Variants in SETD2 observed in about 807,000 individuals in gnomAD.
SETD2 encodes the protein SET domain containing 2, histone lysine methyltransferase.
Under a neutral mutation model 242.1 loss-of-function variants are expected in SETD2, and 31 were observed. The ratio of observed to expected loss-of-function variants is 0.13; its 90% CI spans 0.10 to 0.17. The LOEUF is 0.17. Among genes scored for constraint, SETD2 ranks in the 10% least tolerant of loss-of-function variants. SETD2 has a pLI of 1.00. For missense variants in SETD2, 2,481 were observed against 3,046.3 expected (o/e 0.81, Z 4.37); for synonymous variants, 1,006 against 1,066.5 (o/e 0.94, Z 1.11).
intron 16 of SETD2, among the ~76,000 whole-genome samples, chr3:47,043,595 T>C (rs1016950169): frequency 1.1e-4 from 17 of 152,334 alleles, no homozygotes; most frequent in African/African-American, 4.1e-4. Context: ...TTCAAGCCTA[T>C]TAATGAAGAA....
intron 12 of SETD2, 41 bp from the exon 13 acceptor site, chr3:47,067,159 G>A (rs769481170): frequency 6.9e-6 from 10 of 1,457,086 alleles, no homozygotes; most frequent in South Asian, 1.1e-5. Context: ...TAGTGAGGGT[G>A]GAAATGGTGA....
At chr3:47,076,160 T>C (rs190854832) in intron 12 of SETD2, among the ~76,000 whole-genome samples, 2 of 152,276 alleles carry the variant, frequency 1.3e-5, no homozygotes, top group Admixed American at 1.3e-4. Context: ...CAGGAAAGAC[T>C]TTCCGGGGGG....
Position 47,084,156 on chromosome 3 carries a change from T to C in SETD2, c.5624A>G (p.Lys1875Arg). 1.9e-6 allele frequency: 3 copies of C among 1,614,164 alleles called. No individual in the cohort carries two copies. Among genetic ancestry groups the C allele is most frequent in the Non-Finnish European group, 1.7e-6 (2 of 1,180,020 alleles). ...STEADTDTPK[K>R]LMFRRLKIIS... is the part of the protein sequence containing the mutation. ...AATTTTCAGTCTGCGAAACATTAGTTTCTTGGGAGTGTCTGTGTCAGCTTC... is the reference window on the plus strand; with the variant it reads ...AATTTTCAGTCTGCGAAACATTAGTCTCTTGGGAGTGTCTGTGTCAGCTTC... Residue 1875 changes from lysine (K) to arginine (R), a missense_variant, in exon 12 of 21, where the codon AAA becomes AGA. Lys to Arg is a conservative substitution (Grantham distance 26). Transcript: ENST00000409792.
chr3:47,065,371 CAA>C (rs199748671), intron 13 of SETD2, among the ~76,000 whole-genome samples: 5 of 140,076 alleles, frequency 3.6e-5, no homozygotes, highest in South Asian at 2.3e-4. Context: ...AATAAAAAGA[CAA>C]AAAAAAAAAA....
Position 47,164,093 on chromosome 3 carries a change from G to A in SETD2, c.-169C>T. On this transcript the variant is annotated 5_prime_UTR_variant, in exon 1 of 21. Transcript: ENST00000409792. The surrounding 1 kb of genome is among the most constrained non-coding windows in gnomAD (Gnocchi z 5.4). ...CGCTCGTCGCTCCCTCCCTCCCTCG[G>A]ACGCCCGCCAGCCGCTCTCTCCCTC... The A allele has an allele frequency of 8.8e-7, 1 of 1,138,702 alleles. No homozygotes were observed. Among genetic ancestry groups the A allele is most frequent in the Non-Finnish European group, 1.1e-6 (1 of 910,438 alleles). The allele number at this position is 1,138,702 out of a possible 1,614,324, so 70.5% of individuals were successfully genotyped here. A position where few individuals can be genotyped will look rare whatever the true frequency, so the allele number is the denominator to read the frequency against.
intron 9 of SETD2, among the ~76,000 whole-genome samples, chr3:47,089,374 G>C (rs1241685753): frequency 6.6e-6 from 1 of 152,102 alleles, no homozygotes; most frequent in Non-Finnish European, 1.5e-5. Flanking sequence ...CTGAGCCTGG[G>C]AAATTGAGGC....
At chr3:47,137,703 T>C (rs976558120) in intron 1 of SETD2, among the ~76,000 whole-genome samples, 1 of 152,202 alleles carries the variant, frequency 6.6e-6, no homozygotes, top group African/African-American at 2.4e-5. Context: ...TTTTCTTTTT[T>C]TCTGAGACAG....
rs1046755895 is a variant in SETD2, at chr3:47,136,879, G to A, written c.72-10216C>T. 3.3e-5 allele frequency among the ~76,000 whole-genome samples: 5 copies of A among 152,082 alleles called. No homozygotes were observed. In the South Asian group the frequency reaches 6.2e-4, roughly 19 times the overall value. On this transcript the variant is annotated intron_variant, in intron 1 of 20. Coordinates refer to ENST00000409792, the MANE Select transcript of SETD2 (RefSeq NM_014159.7). ...TGAGGCAGAAGAATCACTTGAACCC[G>A]GGAGGCAGAGGTTGCAGTGTGCCGA...
rs2107639701 is a variant in SETD2 at position 47,084,175 on chromosome 3, C to T, written c.5605G>A (p.Asp1869Asn). ...ATTAGTTTCTTGGGAGTGTCTGTGT[C>T]AGCTTCTGTGCTCAGCTTGGTGGAA... ...DPSTKLSTEA[D>N]TDTPKKLMFR... Residue 1869 changes from aspartate to asparagine, a missense_variant, in exon 12 of 21, where the codon GAC (aspartate) becomes AAC (asparagine). This residue lies in a region of SETD2 where 203 missense variants were observed against 222.4 expected (regional missense o/e 0.91). Transcript: ENST00000409792. The T allele has an allele frequency of 1.2e-6, 2 of 1,614,154 alleles. No homozygotes were observed. Among genetic ancestry groups the T allele is most frequent in the East Asian group, 4.5e-5 (2 of 44,884 alleles).
At chr3:47,077,785 C>T (rs189368787) in intron 12 of SETD2, among the ~76,000 whole-genome samples, 2 of 152,078 alleles carry the variant, frequency 1.3e-5, no homozygotes, top group East Asian at 1.9e-4. Context: ...GAGCCTGGAA[C>T]AGCATATTGT....
chr3:47,148,157 G>A (rs1029469070), intron 1 of SETD2, among the ~76,000 whole-genome samples: 5 of 151,180 alleles, frequency 3.3e-5, no homozygotes, highest in African/African-American at 7.3e-5. Context: ...TTGATAAAGC[G>A]TCTCGTTCTG....
intron 15 of SETD2, among the ~76,000 whole-genome samples, chr3:47,050,624 G>A (rs566128665): frequency 2.7e-5 from 4 of 149,506 alleles, no homozygotes; most frequent in South Asian, 2.2e-4. Context: ...TATATATAAC[G>A]TAAATATTCC....
intron 1 of SETD2, among the ~76,000 whole-genome samples, chr3:47,147,217 T>C (rs952604431): frequency 1.3e-5 from 2 of 151,990 alleles, no homozygotes; most frequent in Non-Finnish European, 2.9e-5. Context: ...TTCACCATGT[T>C]GGCCAGGCTG....
intron 15 of SETD2, among the ~76,000 whole-genome samples, chr3:47,052,841 G>A (rs1364827363): frequency 3.3e-5 from 5 of 151,856 alleles, no homozygotes; most frequent in African/African-American, 4.8e-5. Flanking sequence ...ATTGTTACAC[G>A]AATGCTAGTT....
chr3:47,051,178 C>T (rs1458788653), intron 15 of SETD2, among the ~76,000 whole-genome samples: 2 of 151,970 alleles, frequency 1.3e-5, no homozygotes, highest in Non-Finnish European at 2.9e-5. Flanking sequence ...CATCAAGGCT[C>T]ACAGCAGCCT....
chr3:47,018,639 T>C (rs2107491593), intron 19 of SETD2, among the ~76,000 whole-genome samples: 1 of 152,334 alleles, frequency 6.6e-6, no homozygotes, highest in Middle Eastern at 3.4e-3. Context: ...TTTCTGGGGT[T>C]TCCTGGCCTC....
At chr3:47,065,162 GCCAA>G (rs2040507536) in intron 13 of SETD2, among the ~76,000 whole-genome samples, 1 of 152,104 alleles carries the variant, frequency 6.6e-6, no homozygotes, top group Non-Finnish European at 1.5e-5. Context: ...CACTGGTTTT[GCCAA>G]CCACTATTGC....
intron 12 of SETD2, among the ~76,000 whole-genome samples, chr3:47,076,923 A>T (rs2041104108): frequency 1.3e-5 from 2 of 152,242 alleles, no homozygotes; most frequent in African/African-American, 4.8e-5. Flanking sequence ...CTGAGATGTT[A>T]CTAGAGGTTC....
Position 47,017,084 on chromosome 3 carries a change from G to C in SETD2, c.*9C>G, listed in dbSNP as rs1331048093. 1 of 1,613,686 alleles carries C rather than the reference G, an allele frequency of 6.2e-7. No individual in the cohort carries two copies. Among genetic ancestry groups the C allele is most frequent in the Non-Finnish European group, 8.5e-7 (1 of 1,179,834 alleles). On this transcript the variant is annotated 3_prime_UTR_variant, in exon 21 of 21. Coordinates refer to ENST00000409792, the MANE Select transcript of SETD2 (RefSeq NM_014159.7). This position sits in a 1 kb window ranked among gnomAD's most constrained non-coding sequence, Gnocchi z 4.8. The stretch of plus-strand genomic sequence containing the variant: ...CCTGACCACCCATCCTCCCACCCTG[G>C]CCCAACAGTCACTCTAATTCAGTGT...
Sources: allele counts gnomAD v4.1 joint callset (sites outside exome capture counted in the v4.1 genomes callset), GRCh38; gene constraint gnomAD v4.1.1; regional missense constraint gnomAD v4.1.1; non-coding constraint Gnocchi (gnomAD v3.1); transcripts MANE v1.5; gene names NCBI Gene and HGNC (gene_info 2026-07-23, HGNC 2026-07-21).